Variants in RAB40B observed in about 807,000 individuals in gnomAD.
The protein encoded by RAB40B is ras-related protein Rab-40B.
A neutral mutation model predicts 24.0 loss-of-function variants in RAB40B; 21 were observed. The ratio of observed to expected loss-of-function variants is 0.88; its 90% confidence interval spans 0.62 to 1.26. The LOEUF (loss-of-function observed/expected upper bound fraction) is 1.26, where lower values mean the gene tolerates loss of function less well. RAB40B is among the 50% of genes most tolerant of loss of function. The pLI is 0.00. For missense variants in RAB40B, 348 were observed against 390.5 expected (o/e 0.89, Z 0.92); for synonymous variants, 167 against 169.8 (o/e 0.98, Z 0.13).
Position 82,658,708 on chromosome 17 carries a change from G to T in RAB40B, c.348C>A (p.Ala116=). The T allele has an allele frequency of 6.2e-7, 1 of 1,608,894 alleles. No individual in the cohort carries two copies. Among genetic ancestry groups the T allele is most frequent in the Non-Finnish European group, 8.5e-7 (1 of 1,177,336 alleles). The part of the protein sequence containing the change: ...DRWIKEIDEH[A]PGVPKILVGN... ...CCACCAGGATCTTGGGGACTCCGGG[G>T]GCATGCTAGCGGGCAGGAGAAAGGC... is the stretch of plus-strand genomic sequence containing the variant. The change falls in exon 5 of 6, where the codon GCC becomes GCA. Residue 116 remains alanine, a synonymous_variant. Coordinates refer to ENST00000571995, the MANE Select transcript of RAB40B (RefSeq NM_006822.3).
At chr17:82,683,805 C>CAAAAAAAAAAAAAAAAAAAAAA (rs35145848) in intron 1 of RAB40B, among the ~76,000 whole-genome samples, 1 of 90,800 alleles carries the variant, frequency 1.1e-5, no homozygotes, top group Non-Finnish European at 2.2e-5. Context: ...ACCCTGTTTC[C>CAAAAAAAAAAAAAAAAAAAAAA]AAAAAAAAAA....
chr17:82,686,304 A>G (rs1306036801), intron 1 of RAB40B, among the ~76,000 whole-genome samples: 4 of 146,082 alleles, frequency 2.7e-5, no homozygotes, highest in East Asian at 2.1e-4. Flanking sequence ...TAGAGATGGG[A>G]TTTCCCCATG....
At chr17:82,682,327 A>G (rs2046455963) in intron 1 of RAB40B, among the ~76,000 whole-genome samples, 1 of 152,152 alleles carries the variant, frequency 6.6e-6, no homozygotes, top group Admixed American at 6.5e-5. Context: ...TAGCCCCCAA[A>G]CCATGAAATA....
chr17:82,694,006 C>T lies in RAB40B; in HGVS notation c.142+4449G>A, dbSNP rs150542962. On this transcript the variant is annotated intron_variant, in intron 1 of 5. Transcript: ENST00000571995. Reference sequence around the variant, plus strand: ...GCTGAGACAGGAAAATCGCTTGAACCTGGGAGGCAGAGGTTGCAGTGAGCT... The same window carrying T: ...GCTGAGACAGGAAAATCGCTTGAACTTGGGAGGCAGAGGTTGCAGTGAGCT... Among the ~76,000 whole-genome samples the T allele has an allele frequency of 7.1e-3, 1,067 of 150,872 alleles. 10 individuals are homozygous for T. Among genetic ancestry groups the T allele is most frequent in the Middle Eastern group, 0.034 (10 of 294 alleles).
intron 1 of RAB40B, among the ~76,000 whole-genome samples, chr17:82,683,144 AAAAC>A (rs1457518461): frequency 2.9e-4 from 44 of 152,346 alleles, no homozygotes; most frequent in African/African-American, 1.1e-3. Context: ...CTCCATCTCA[AAAAC>A]AAACAAAGAA....
intron 1 of RAB40B, among the ~76,000 whole-genome samples, chr17:82,674,275 G>C (rs1377669627): frequency 2.0e-5 from 3 of 151,300 alleles, no homozygotes; most frequent in Non-Finnish European, 2.9e-5. Context: ...GGAGGCGGAG[G>C]TTGCAGTGAG....
At position 82,663,329 on chromosome 17, in the gene RAB40B, G is replaced by A. The variant is rs2046200662; in HGVS notation, c.203+1167C>T. 6.6e-6 allele frequency among the ~76,000 whole-genome samples: 1 copy of A among 152,128 alleles called. No individual in the cohort carries two copies. ...GGGGGTGGCCCAGCAGGCAGGAAGG[G>A]CCAGGAGGCTCAGGCGAGGGTCACC... is the stretch of plus-strand genomic sequence containing the variant. On this transcript the variant is annotated intron_variant, in intron 2 of 5. Transcript: ENST00000571995. The surrounding 1 kb of genome is among the most constrained non-coding windows in gnomAD (Gnocchi z 6.2).
rs2046205142 is a variant in RAB40B at position 82,663,658 on chromosome 17, C to CA, written c.203+837_203+838insT. Among the ~76,000 whole-genome samples, 1 of 152,208 alleles carries CA rather than the reference C, an allele frequency of 6.6e-6. No individual in the cohort carries two copies. The highest frequency in any genetic ancestry group is 2.1e-4 in the South Asian group (1 of 4,830). On this transcript the variant is annotated intron_variant, in intron 2 of 5. Coordinates refer to ENST00000571995, the MANE Select transcript of RAB40B (RefSeq NM_006822.3). The surrounding 1 kb of genome is among the most constrained non-coding windows in gnomAD (Gnocchi z 6.2). ...CACCTCCCCACGTCTGGGTCCTCCA[C>CA]CCGCAGGCCCGACCACAGCCCCGCT...
At chr17:82,685,227 A>AGGGAGGG (rs2046486345) in intron 1 of RAB40B, among the ~76,000 whole-genome samples, 1 of 56,652 alleles carries the variant, frequency 1.8e-5, no homozygotes. Context: ...GGGGAGGGGG[A>AGGGAGGG]GGGAGGACGG....
intron 1 of RAB40B, among the ~76,000 whole-genome samples, chr17:82,687,960 C>G (rs1412291745): frequency 1.3e-5 from 2 of 151,936 alleles, no homozygotes; most frequent in Non-Finnish European, 2.9e-5. Context: ...TAGTCCCAGC[C>G]AACTGGGGGG....
intron 3 of RAB40B, 69 bp downstream of exon 3, chr17:82,660,918 A>G: frequency 6.5e-7 from 1 of 1,534,394 alleles, no homozygotes; most frequent in Non-Finnish European, 9.0e-7. Flanking sequence ...AAAGGATGGT[A>G]AGTTAAGCAT....
At chr17:82,688,951 T>C (rs1278720979) in intron 1 of RAB40B, among the ~76,000 whole-genome samples, 1 of 152,152 alleles carries the variant, frequency 6.6e-6, no homozygotes, top group Admixed American at 6.5e-5. Flanking sequence ...ATTTAAAAAT[T>C]GTTTTGTTTG....
chr17:82,665,761 G>A (rs140482168), intron 1 of RAB40B, among the ~76,000 whole-genome samples: 3,083 of 152,016 alleles, frequency 0.02, 114 homozygotes, highest in African/African-American at 0.072. Context: ...TAGCTAGTAG[G>A]GAGGCTGAGG....
chr17:82,684,562 G>A (rs1357924116), intron 1 of RAB40B, among the ~76,000 whole-genome samples: 1 of 152,176 alleles, frequency 6.6e-6, no homozygotes, highest in Non-Finnish European at 1.5e-5. Flanking sequence ...GGTGGGTGAT[G>A]GACTGTGGTT....
intron 1 of RAB40B, among the ~76,000 whole-genome samples, chr17:82,686,646 C>T (rs1213951060): frequency 1.3e-5 from 2 of 152,226 alleles, no homozygotes; most frequent in Admixed American, 6.5e-5. Flanking sequence ...AGGGTCCCCG[C>T]TTAGAGCCTG....
chr17:82,668,578 C>T lies in RAB40B; in HGVS notation c.143-4022G>A, dbSNP rs148761645. Among the ~76,000 whole-genome samples, 784 of 152,382 alleles carry T rather than the reference C, an allele frequency of 5.1e-3. 4 individuals are homozygous for T. The highest frequency in any genetic ancestry group is 8.5e-3 in the Non-Finnish European group (578 of 68,032). ...CTGAGGTGGCAAGGGCTGGTGTGTC[C>T]GTGCTGCCCCAAGTGTGGACCCACC... is the stretch of plus-strand genomic sequence containing the variant. On this transcript the variant is annotated intron_variant, in intron 1 of 5. Transcript: ENST00000571995.
intron 1 of RAB40B, among the ~76,000 whole-genome samples, chr17:82,666,919 C>A (rs547783930): frequency 1.3e-5 from 2 of 152,274 alleles, no homozygotes; most frequent in African/African-American, 2.4e-5. Flanking sequence ...CGGCTGTGAT[C>A]GGATGTTGAG....
At chr17:82,662,160 C>A (rs1039468728) in intron 2 of RAB40B, 2 of 985,350 alleles carry the variant, frequency 2.0e-6, no homozygotes, top group Admixed American at 1.2e-4. Context: ...ACCCTCAGCA[C>A]GAGAGAGAAG....
chr17:82,669,424 G>A (rs1197518304), intron 1 of RAB40B, among the ~76,000 whole-genome samples: 2 of 150,392 alleles, frequency 1.3e-5, no homozygotes, highest in African/African-American at 4.9e-5. Context: ...GTGGTGAGCC[G>A]AGATCACACC....
Sources: gnomAD v4.1 joint callset for allele counts (sites outside exome capture counted in the v4.1 genomes callset) on GRCh38, gnomAD v4.1.1 for gene constraint, Gnocchi (gnomAD v3.1) non-coding constraint, MANE v1.5 for transcripts, NCBI Gene and HGNC (gene_info 2026-07-23, HGNC 2026-07-21) for gene names.